Variants in KLHL13 observed in about 807,000 individuals in gnomAD.
KLHL13 encodes kelch-like protein 13.
A neutral mutation model predicts 37.1 loss-of-function variants in KLHL13; 10 were observed. The ratio of observed to expected loss-of-function variants is 0.27; its 90% CI spans 0.17 to 0.46. The LOEUF (loss-of-function observed/expected upper bound fraction) is 0.46, where lower values mean the gene tolerates loss of function less well. KLHL13 is among the 20% of genes least tolerant of loss of function. KLHL13 has a pLI of 1.00. For synonymous variants in KLHL13, 163 were observed against 181.2 expected (o/e 0.90, Z 0.81); for missense variants, 360 against 509.3 (o/e 0.71, Z 2.82).
intron 1 of KLHL13, among the ~76,000 whole-genome samples, chrX:118,069,760 AATTT>A (rs1279873906): frequency 8.9e-6 from 1 of 111,802 alleles, no homozygotes; most frequent in Non-Finnish European, 1.9e-5. Context: ...AGTTAAGGCT[AATTT>A]ATTACCAAAG....
At chrX:117,905,652 G>GT (rs200271336) in intron 5 of KLHL13, among the ~76,000 whole-genome samples, 6,452 of 106,718 alleles carry the variant, frequency 0.06, 184 homozygotes, top group Middle Eastern at 0.13. Context: ...TGTTGCCACT[G>GT]TTTTTTTTTT....
chrX:117,949,665 T>TA (rs917122664), intron 1 of KLHL13, among the ~76,000 whole-genome samples: 1 of 112,069 alleles, frequency 8.9e-6, no homozygotes, highest in Admixed American at 9.5e-5. Context: ...CCATTGTGTT[T>TA]AAAAAATAAG....
intron 1 of KLHL13, among the ~76,000 whole-genome samples, chrX:118,042,502 G>A (rs1260992743): frequency 8.9e-6 from 1 of 111,868 alleles, no homozygotes; most frequent in African/African-American, 3.2e-5. Context: ...GTTACATCAA[G>A]CATCTTCTCT....
chrX:117,930,929 C>T (rs1932418759), intron 2 of KLHL13, among the ~76,000 whole-genome samples: 1 of 111,876 alleles, frequency 8.9e-6, no homozygotes, highest in Admixed American at 9.4e-5. Flanking sequence ...ATGTTAACAA[C>T]GTACTAACAT....
chrX:118,101,252 G>C (rs1219809287), intron 1 of KLHL13, among the ~76,000 whole-genome samples: 1 of 111,668 alleles, frequency 9.0e-6, no homozygotes, highest in Non-Finnish European at 1.9e-5. Flanking sequence ...TTTCCAGATG[G>C]TAAATAGGAA....
At chrX:117,937,457 G>A (rs1251421565) in intron 2 of KLHL13, among the ~76,000 whole-genome samples, 1 of 111,696 alleles carries the variant, frequency 9.0e-6, no homozygotes, top group East Asian at 2.8e-4. Flanking sequence ...GCTAAGGCAT[G>A]GCAGAGCTAA....
At chrX:117,968,721 T>C in intron 1 of KLHL13, among the ~76,000 whole-genome samples, 1 of 112,003 alleles carries the variant, frequency 8.9e-6, no homozygotes. Flanking sequence ...CAAATGATTA[T>C]CAATTTAATA....
chrX:117,911,945 T>G (rs1253890039), intron 4 of KLHL13, among the ~76,000 whole-genome samples: 1 of 112,167 alleles, frequency 8.9e-6, no homozygotes, highest in African/African-American at 3.2e-5. Flanking sequence ...AAAAATAAGT[T>G]AACAAATTAT....
chrX:118,117,238 C>G (rs956652059), upstream of KLHL13: 1 of 112,398 alleles, frequency 8.9e-6, no homozygotes, highest in African/African-American at 3.2e-5. Context: ...ACGGCGGGGC[C>G]CGAGCAAAGG....
intron 4 of KLHL13, among the ~76,000 whole-genome samples, chrX:117,917,758 G>A (rs1337834708): frequency 8.9e-6 from 1 of 111,801 alleles, no homozygotes; most frequent in Non-Finnish European, 1.9e-5. Flanking sequence ...TGCATTAGAG[G>A]ATAGGCCAAC....
intron 1 of KLHL13, among the ~76,000 whole-genome samples, chrX:117,983,304 C>G (rs984278810): frequency 9.0e-6 from 1 of 111,195 alleles, no homozygotes; most frequent in African/African-American, 3.3e-5. Context: ...TACAATGATG[C>G]GTGGCATTTT....
chrX:117,934,873 A>G (rs1932696950), intron 2 of KLHL13, among the ~76,000 whole-genome samples: 1 of 110,365 alleles, frequency 9.1e-6, no homozygotes, highest in Admixed American at 9.7e-5. Flanking sequence ...GGCCATAAGC[A>G]TAAAAAAAAA....
At chrX:117,922,827 G>A (rs1931795793) in intron 2 of KLHL13, among the ~76,000 whole-genome samples, 1 of 111,721 alleles carries the variant, frequency 9.0e-6, no homozygotes, top group Admixed American at 9.5e-5. Flanking sequence ...AAACTTAAAG[G>A]CTACCTCTTT....
At chrX:118,107,102 C>A (rs950775712) in intron 1 of KLHL13, among the ~76,000 whole-genome samples, 1 of 111,744 alleles carries the variant, frequency 8.9e-6, no homozygotes, top group African/African-American at 3.2e-5. Flanking sequence ...ATCAGAAAAC[C>A]AAATGTTTTC....
At chrX:117,898,873 G>A (rs1372790629) in exon 7 of KLHL13, 1 of 1,163,893 alleles carries the variant, frequency 8.6e-7, no homozygotes, top group Non-Finnish European at 1.2e-6. Flanking sequence ...ACATTGCAAA[G>A]ATAGAACTAC....
At chrX:118,001,928 T>C (rs2053926078) in intron 1 of KLHL13, among the ~76,000 whole-genome samples, 1 of 106,812 alleles carries the variant, frequency 9.4e-6, no homozygotes, top group Non-Finnish European at 1.9e-5. Flanking sequence ...ATCTTACAGA[T>C]TTTTCAGATT....
intron 1 of KLHL13, among the ~76,000 whole-genome samples, chrX:117,994,559 C>A (rs769606195): frequency 2.7e-5 from 3 of 111,648 alleles, no homozygotes. Context: ...GAAGCCTATT[C>A]TAGCATTTTC....
intron 1 of KLHL13, among the ~76,000 whole-genome samples, chrX:117,969,448 T>A (rs531833345): frequency 9.0e-6 from 1 of 111,702 alleles, no homozygotes; most frequent in South Asian, 3.8e-4. Context: ...ACAGAGTAAT[T>A]TATATGGTTT....
At chrX:118,040,535 A>G (rs2054496109) in intron 1 of KLHL13, among the ~76,000 whole-genome samples, 1 of 112,019 alleles carries the variant, frequency 8.9e-6, no homozygotes, top group African/African-American at 3.2e-5. Flanking sequence ...AAAATAAAAA[A>G]GAATAAAGTA....
Sources: allele counts gnomAD v4.1 joint callset (sites outside exome capture counted in the v4.1 genomes callset), GRCh38; gene constraint gnomAD v4.1.1; transcripts MANE v1.5; gene names NCBI Gene and HGNC (gene_info 2026-07-23, HGNC 2026-07-21).